The following COL6A1 variants were observed in gnomAD, a reference collection of about 807,000 sequenced individuals.
COL6A1 encodes the protein collagen alpha-1(VI) chain.
In COL6A1, 80 loss-of-function variants were observed where a neutral mutation model predicts 145.6. That is an observed-to-expected ratio of 0.55 (90% CI 0.46 to 0.66). COL6A1 has a LOEUF of 0.66. COL6A1 is among the 30% of genes least tolerant of loss of function. COL6A1 has a pLI of 0.00. For missense variants in COL6A1, 1,364 were observed against 1,473.8 expected (o/e 0.93, Z 1.22); for synonymous variants, 638 against 622.8 (o/e 1.02, Z -0.36).
In COL6A1 at chr21:46,001,307, T is replaced by C. The variant is rs781626943; in HGVS notation, c.1877T>C (p.Ile626Thr). 2 of 1,612,734 alleles carry C rather than the reference T, an allele frequency of 1.2e-6. No individual in the cohort carries two copies. Among genetic ancestry groups the C allele is most frequent in the Admixed American group, 1.7e-5 (1 of 60,032 alleles). Residue 626 changes from isoleucine to threonine, a missense_variant, in exon 30 of 35, where the codon ATT becomes ACT. Physicochemically the swap from Ile to Thr is moderately conservative, Grantham distance 89. Coordinates refer to ENST00000361866, the MANE Select transcript of COL6A1 (RefSeq NM_001848.3). ...LLFVLDSSES[I>T]GLQNFEIAKD... The stretch of plus-strand genomic sequence containing the variant: ...TTCGTGCTGGACAGCTCAGAGAGCA[T>C]TGGCCTGCAGAACTTCGAGATTGCC...
At position 45,998,925 on chromosome 21, in the gene COL6A1, G is replaced by T; in HGVS notation, c.1640G>T (p.Gly547Val). ...ACGAAGGGCTACCCCGGCCTCAAGG[G>T]GGACGAGGGAGAAGCCGGGGACCCC... The part of the protein sequence containing the change: ...NGTKGYPGLK[G>V]DEGEAGDPGD... Residue 547 changes from glycine to valine, a missense_variant, in exon 25 of 35, where the codon GGG (glycine) becomes GTG (valine). This residue lies in a region of COL6A1 where 938 missense variants were observed against 1,003.8 expected (regional missense o/e 0.93). Transcript: ENST00000361866. The T allele has an allele frequency of 6.4e-7, 1 of 1,556,496 alleles. No individual in the cohort carries two copies. The highest frequency in any genetic ancestry group is 8.7e-7 in the Non-Finnish European group (1 of 1,149,492).
intron 13 of COL6A1, 39 bp downstream of exon 13, chr21:45,990,461 GAGGA>G (rs770596990): frequency 8.7e-7 from 1 of 1,149,104 alleles, no homozygotes; most frequent in South Asian, 1.4e-5. Flanking sequence ...GAGGGACGAG[GAGGA>G]ATGGGGCGAG....
chr21:46,000,722 C>G (rs773456159), intron 28 of COL6A1, 37 bp from the exon 29 acceptor site: 1 of 1,613,878 alleles, frequency 6.2e-7, no homozygotes, highest in East Asian at 2.2e-5. Flanking sequence ...AGGACGCGGC[C>G]CTGACTGGTC....
chr21:45,998,081 C>T (rs1299322535), intron 22 of COL6A1, 40 bp from the exon 23 acceptor site: 1 of 1,609,044 alleles, frequency 6.2e-7, no homozygotes, highest in African/African-American at 1.3e-5. Flanking sequence ...TATCCCAGGC[C>T]AGGCCGATTC....
At chr21:45,997,118 G>C (rs576928795) in intron 20 of COL6A1, among the ~76,000 whole-genome samples, 2 of 150,172 alleles carry the variant, frequency 1.3e-5, no homozygotes, top group South Asian at 2.1e-4. Flanking sequence ...ACCCTTCCGT[G>C]GGGGCCTGAG....
In COL6A1 at chr21:45,998,128, A is replaced by G. The variant is rs886044367; in HGVS notation, c.1532A>G (p.Asp511Gly). 6.2e-7 allele frequency: 1 copy of G among 1,612,100 alleles called. No homozygotes were observed. Among genetic ancestry groups the G allele is most frequent in the Non-Finnish European group, 8.5e-7 (1 of 1,179,692 alleles). Residue 511 changes from aspartate to glycine, a missense_variant, in exon 23 of 35, where the codon GAC (aspartate) becomes GGC (glycine). This residue lies in a region of COL6A1 where 938 missense variants were observed against 1,003.8 expected (regional missense o/e 0.93). Transcript: ENST00000361866. ...DPGLMGERGE[D>G]GPAGNGTEGF... ...GCTACTCTGCTCCCCCAGGGAGAAG[A>G]CGGCCCCGCTGGAAATGGCACCGAG... is the stretch of plus-strand genomic sequence containing the variant.
chr21:45,997,596 G>A (rs1449783999), intron 21 of COL6A1, 104 bp from the exon 22 acceptor site: 38 of 1,534,326 alleles, frequency 2.5e-5, no homozygotes, highest in Non-Finnish European at 3.1e-5. Context: ...GGCCCTGGGT[G>A]TCCTGGCTCC....
At chr21:45,999,943 A>ACC (rs2077831409) in intron 27 of COL6A1, among the ~76,000 whole-genome samples, 3 of 1,218 alleles carry the variant, frequency 2.5e-3, no homozygotes, top group Non-Finnish European at 1.8e-3. Context: ...CATGGGGGGG[A>ACC]CGTGTGAGGA....
At chr21:45,985,095 GAGAC>G (rs1386747076) in intron 3 of COL6A1, among the ~76,000 whole-genome samples, 5 of 151,826 alleles carry the variant, frequency 3.3e-5, no homozygotes, top group Admixed American at 6.6e-5. Context: ...CAGAGACAGA[GAGAC>G]AGAGACAGAG....
chr21:45,992,007 C>T lies in COL6A1; in HGVS notation c.1120-3C>T. The T allele has an allele frequency of 6.3e-7, 1 of 1,584,980 alleles. No homozygotes were observed. Among genetic ancestry groups the T allele is most frequent in the Non-Finnish European group, 8.6e-7 (1 of 1,166,224 alleles). Reference sequence around the variant, plus strand: ...CGTGTGTGACTCCCCCGGTCTTCCCCAGGGCGAGCCTGGAGCTGACGGGGA... The same window carrying T: ...CGTGTGTGACTCCCCCGGTCTTCCCTAGGGCGAGCCTGGAGCTGACGGGGA... On this transcript the variant is annotated splice_region_variant and splice_polypyrimidine_tract_variant and intron_variant, in intron 15 of 34. Coordinates refer to ENST00000361866, the MANE Select transcript of COL6A1 (RefSeq NM_001848.3).
chr21:46,001,032 C>T, intron 29 of COL6A1: 1 of 718,770 alleles, frequency 1.4e-6, no homozygotes, highest in Non-Finnish European at 2.3e-6. Context: ...CCACAGGCCC[C>T]ACCCTAGCCT....
chr21:45,999,031 T>C (rs2077822835), intron 25 of COL6A1, 72 bp downstream of exon 25: 13 of 1,546,982 alleles, frequency 8.4e-6, no homozygotes, highest in Admixed American at 5.9e-5. Context: ...TGAAGGGCAG[T>C]GGACCAGGAC....
At chr21:45,986,813 C>G (rs2077741874) in intron 4 of COL6A1, 128 bp downstream of exon 4, 1 of 1,517,532 alleles carries the variant, frequency 6.6e-7, no homozygotes. Flanking sequence ...ACCCTTGCCC[C>G]TGAGAGGCCA....
At chr21:45,989,840 GGTGTCCCCGGGGATGAGGACA>G in intron 11 of COL6A1, 62 bp downstream of exon 11, 3 of 1,603,376 alleles carry the variant, frequency 1.9e-6, no homozygotes, top group Middle Eastern at 1.7e-4. Context: ...CCTGGACGAG[GGTGTCCCCGGGGATGAGGACA>G]GTGTCCCTGA....
chr21:45,984,610 T>A, intron 3 of COL6A1, 141 bp downstream of exon 3: 1 of 747,502 alleles, frequency 1.3e-6, no homozygotes, highest in Non-Finnish European at 2.3e-6. Flanking sequence ...CCTGACCCAC[T>A]TTGTGGGCAG....
At position 46,002,414 on chromosome 21, in the gene COL6A1, C is replaced by T. The variant is rs758124803; in HGVS notation, c.2250+13C>T. 13 of 1,608,290 alleles carry T rather than the reference C, an allele frequency of 8.1e-6. No individual in the cohort carries two copies. Among genetic ancestry groups the T allele is most frequent in the East Asian group, 6.7e-5 (3 of 44,720 alleles). ...CCCCGGCATCCAGGTGGGGTGGCCACCCCCAGGCTGCACCTGCCCCGCCTA... is the reference window on the plus strand; with the variant it reads ...CCCCGGCATCCAGGTGGGGTGGCCATCCCCAGGCTGCACCTGCCCCGCCTA... On this transcript the variant is annotated intron_variant, in intron 32 of 34. Coordinates refer to ENST00000361866, the MANE Select transcript of COL6A1 (RefSeq NM_001848.3).
In COL6A1 at chr21:45,989,647, A is replaced by G; in HGVS notation, c.898A>G (p.Met300Val). The G allele has an allele frequency of 6.2e-7, 1 of 1,613,116 alleles. No individual in the cohort carries two copies. Among genetic ancestry groups the G allele is most frequent in the Non-Finnish European group, 8.5e-7 (1 of 1,179,988 alleles). Residue 300 changes from methionine to valine, a missense_variant, in exon 10 of 35, where the codon ATG becomes GTG. Around this residue, in one of 3 missense-constraint regions of COL6A1, gnomAD observed 414 missense variants for 437.6 expected, o/e 0.95. Transcript: ENST00000361866. ...CCTCGGACCTGTTGGGTACCAGGGA[A>G]TGAAGGTACGTGCCCCCCCTTTCCT... ...GDLGPVGYQG[M>V]KGEKGSRGEK...
Position 45,986,250 on chromosome 21 carries a change from G to A in COL6A1, c.429-276G>A, listed in dbSNP as rs113990069. On this transcript the variant is annotated intron_variant, in intron 3 of 34. Coordinates refer to ENST00000361866, the MANE Select transcript of COL6A1 (RefSeq NM_001848.3). ...TCCACTCACTGGTCAGGGGCTTTGC[G>A]CCCCAGGGCACCCCAGGAACCGAGC... Among the ~76,000 whole-genome samples the A allele has an allele frequency of 3.3e-3, 496 of 152,292 alleles. 3 individuals are homozygous for A. Among genetic ancestry groups the A allele is most frequent in the African/African-American group, 0.01 (431 of 41,554 alleles).
At chr21:45,992,858 C>A in intron 19 of COL6A1, 48 bp downstream of exon 19, 1 of 1,533,208 alleles carries the variant, frequency 6.5e-7, no homozygotes, top group Non-Finnish European at 8.9e-7. Flanking sequence ...AAGGGGCAGG[C>A]GGAGGCTGGG....
Sources: allele counts gnomAD v4.1 joint callset (sites outside exome capture counted in the v4.1 genomes callset), GRCh38; gene constraint gnomAD v4.1.1; regional missense constraint gnomAD v4.1.1; transcripts MANE v1.5; gene names NCBI Gene and HGNC (gene_info 2026-07-23, HGNC 2026-07-21).